The following OPCML variants were observed in gnomAD, a reference collection of about 807,000 sequenced individuals.
The protein encoded by OPCML is opioid-binding protein/cell adhesion molecule.
OPCML carries 13 observed loss-of-function variants against 37.8 expected under a neutral mutation model. The observed-to-expected ratio is 0.34, with a 90% CI of 0.22 to 0.55. The LOEUF (loss-of-function observed/expected upper bound fraction) is 0.55. Among genes scored for constraint, OPCML ranks in the 20% least tolerant of loss-of-function variants. The pLI, the probability that OPCML is intolerant of heterozygous loss-of-function variation, is 0.91. For synonymous variants in OPCML, 176 were observed against 168.8 expected, an observed-to-expected ratio of 1.04 and a Z score of -0.33; for missense variants, 341 against 435.6, an observed-to-expected ratio of 0.78 and a Z score of 1.93.
chr11:132,430,141 G>A (rs1403500674), intron 7 of OPCML, among the ~76,000 whole-genome samples: 1 of 152,192 alleles, frequency 6.6e-6, no homozygotes, highest in Admixed American at 6.5e-5. Context: ...GTGGCTGGAG[G>A]GAAGAAAAGG....
At chr11:133,512,806 G>A (rs914836551) in intron 1 of OPCML, among the ~76,000 whole-genome samples, 1 of 152,184 alleles carries the variant, frequency 6.6e-6, no homozygotes, top group Admixed American at 6.5e-5. Flanking sequence ...AGAAACCAGA[G>A]CCAAAGACCA....
chr11:133,432,920 G>C (rs1946154728), intron 1 of OPCML, among the ~76,000 whole-genome samples: 1 of 151,976 alleles, frequency 6.6e-6, no homozygotes, highest in Non-Finnish European at 1.5e-5. Flanking sequence ...CTTTTGCTTT[G>C]GGGATACTAT....
intron 2 of OPCML, among the ~76,000 whole-genome samples, chr11:132,667,124 A>T (rs1469488875): frequency 1.3e-5 from 2 of 152,242 alleles, no homozygotes; most frequent in East Asian, 3.8e-4. Context: ...GTCAAAGTGG[A>T]GTGGGGAAAA....
chr11:132,989,440 G>C (rs186949698), intron 1 of OPCML, among the ~76,000 whole-genome samples: 1 of 152,088 alleles, frequency 6.6e-6, no homozygotes, highest in South Asian at 2.1e-4. Context: ...AAAATTAAAA[G>C]AATAATTTTA....
chr11:132,715,437 C>G (rs1052316324), intron 2 of OPCML, among the ~76,000 whole-genome samples: 1 of 152,166 alleles, frequency 6.6e-6, no homozygotes, highest in African/African-American at 2.4e-5. Flanking sequence ...ACTGCCAACT[C>G]GGTGACCTTG....
At chr11:132,736,890 A>T (rs564056066) in intron 2 of OPCML, among the ~76,000 whole-genome samples, 1 of 152,298 alleles carries the variant, frequency 6.6e-6, no homozygotes, top group Non-Finnish European at 1.5e-5. Flanking sequence ...TGATGAGACT[A>T]TTATGATTAT....
intron 1 of OPCML, among the ~76,000 whole-genome samples, chr11:133,490,646 A>G (rs1302862065): frequency 1.3e-5 from 2 of 152,158 alleles, no homozygotes; most frequent in South Asian, 2.1e-4. Flanking sequence ...TCTGTGGACA[A>G]TGGTCTTCCA....
chr11:133,499,941 G>A (rs1377951228), intron 1 of OPCML, among the ~76,000 whole-genome samples: 20 of 143,946 alleles, frequency 1.4e-4, no homozygotes, highest in Admixed American at 2.1e-4. Context: ...GTGAGATCTC[G>A]GCTCACTGCA....
intron 1 of OPCML, among the ~76,000 whole-genome samples, chr11:133,165,891 G>T (rs112806507): frequency 1.5e-3 from 230 of 152,292 alleles, no homozygotes; most frequent in African/African-American, 4.8e-3. Flanking sequence ...CACCACAACC[G>T]CAGAATACCT....
At chr11:133,440,586 G>A (rs1476577816) in intron 1 of OPCML, among the ~76,000 whole-genome samples, 2 of 150,464 alleles carry the variant, frequency 1.3e-5, no homozygotes, top group Non-Finnish European at 1.5e-5. Context: ...AATTAGCTGG[G>A]CATGGTGGCA....
intron 1 of OPCML, chr11:133,004,637 C>G: frequency 4.1e-6 from 4 of 985,484 alleles, no homozygotes; most frequent in Non-Finnish European, 4.8e-6. Context: ...CCACTGCTAA[C>G]AGCTGCTCGG....
chr11:132,433,603 G>T (rs762040795), intron 7 of OPCML, among the ~76,000 whole-genome samples: 1 of 152,144 alleles, frequency 6.6e-6, no homozygotes, highest in Admixed American at 6.5e-5. Flanking sequence ...CTCTACTACC[G>T]AATGTCTATG....
At chr11:132,940,828 A>G (rs1025980321) in intron 2 of OPCML, among the ~76,000 whole-genome samples, 1 of 152,210 alleles carries the variant, frequency 6.6e-6, no homozygotes, top group Non-Finnish European at 1.5e-5. Context: ...ATAATGAGTA[A>G]TAGACGAAAG....
At chr11:132,497,423 A>G (rs2096234940) in intron 4 of OPCML, among the ~76,000 whole-genome samples, 1 of 151,908 alleles carries the variant, frequency 6.6e-6, no homozygotes, top group Admixed American at 6.6e-5. Context: ...GAACAAAAAA[A>G]AAAAAAAGAA....
intron 2 of OPCML, among the ~76,000 whole-genome samples, chr11:132,739,340 G>A (rs1047723060): frequency 6.6e-6 from 1 of 152,120 alleles, no homozygotes; most frequent in Non-Finnish European, 1.5e-5. Flanking sequence ...ATTTTTATGG[G>A]TTTGTCCTCT....
rs2096290346 is a variant in OPCML, at chr11:132,520,532, A to G, written c.505+8529T>C. Among the ~76,000 whole-genome samples, 5 of 151,996 alleles carry G rather than the reference A, an allele frequency of 3.3e-5. No homozygotes were observed. The South Asian group carries it at 1.0e-3, about 32-fold the overall frequency. ...GTTGTTAATGGAATACTAGAGACTC[A>G]TTTTCCTTGTATTTCTATTTTTTTA... is the stretch of plus-strand genomic sequence containing the variant. On this transcript the variant is annotated intron_variant, in intron 4 of 7. Transcript: ENST00000524381.
chr11:133,420,616 A>T (rs1362795987), intron 1 of OPCML: 1 of 985,236 alleles, frequency 1.0e-6, no homozygotes, highest in Non-Finnish European at 1.2e-6. Context: ...ATCTGTGGTA[A>T]TGATCATGGG....
chr11:133,270,940 C>T (rs1024477969), intron 1 of OPCML, among the ~76,000 whole-genome samples: 8 of 152,114 alleles, frequency 5.3e-5, no homozygotes, highest in African/African-American at 1.9e-4. Flanking sequence ...TGATTAAAAT[C>T]AAGGCTACTG....
chr11:133,435,871 C>T (rs1345605171), intron 1 of OPCML, among the ~76,000 whole-genome samples: 1 of 152,210 alleles, frequency 6.6e-6, no homozygotes, highest in African/African-American at 2.4e-5. Context: ...GCATATTGCA[C>T]AGTTTTGCTC....
Sources: gnomAD v4.1 joint callset for allele counts (sites outside exome capture counted in the v4.1 genomes callset) on GRCh38, gnomAD v4.1.1 for gene constraint, MANE v1.5 for transcripts, NCBI Gene and HGNC (gene_info 2026-07-23, HGNC 2026-07-21) for gene names.